The following TENM2 variants were observed in gnomAD, a reference collection of about 807,000 sequenced individuals.
TENM2 encodes teneurin-2.
In TENM2, 52 loss-of-function variants were observed where a neutral mutation model predicts 245.2. The observed-to-expected ratio is 0.21, with a 90% confidence interval of 0.17 to 0.27. The LOEUF is 0.27. Ranked by LOEUF, TENM2 falls within the 10% of genes least tolerant of loss-of-function variation. The pLI, the probability that TENM2 is intolerant of heterozygous loss-of-function variation, is 1.00. For synonymous variants in TENM2, 1,363 were observed against 1,438.9 expected (o/e 0.95, Z 1.19); for missense variants, 3,046 against 3,666.8 (o/e 0.83, Z 4.37).
intron 2 of TENM2, among the ~76,000 whole-genome samples, chr5:167,499,908 G>C (rs1025415339): frequency 2.7e-5 from 4 of 150,306 alleles, no homozygotes; most frequent in Non-Finnish European, 4.4e-5. Flanking sequence ...GTATGTGAGG[G>C]TGTATATGTG....
intron 2 of TENM2, among the ~76,000 whole-genome samples, chr5:167,500,263 A>G (rs1461632075): frequency 6.6e-6 from 1 of 152,012 alleles, no homozygotes; most frequent in African/African-American, 2.4e-5. Flanking sequence ...TCCATCTTGT[A>G]TTTAGTTGAC....
intron 4 of TENM2, among the ~76,000 whole-genome samples, chr5:167,970,909 G>GTGGC (rs1438193978): frequency 1.3e-5 from 2 of 151,862 alleles, no homozygotes; most frequent in Non-Finnish European, 2.9e-5. Flanking sequence ...CGTGTGTGTG[G>GTGGC]TGGCACTGGG....
intron 3 of TENM2, among the ~76,000 whole-genome samples, chr5:167,881,076 G>A (rs965960371): frequency 2.0e-5 from 3 of 152,098 alleles, no homozygotes; most frequent in Admixed American, 1.3e-4. Context: ...TTTGGGATGA[G>A]GAAGAAGTCA....
chr5:167,594,383 A>G (rs765588080), intron 2 of TENM2, among the ~76,000 whole-genome samples: 1 of 152,210 alleles, frequency 6.6e-6, no homozygotes, highest in East Asian at 1.9e-4. Context: ...CTACAAAAAT[A>G]TAATGCTTAG....
intron 1 of TENM2, among the ~76,000 whole-genome samples, chr5:167,358,803 GCACACACACACACACACA>G (rs58530155): frequency 0.025 from 3,558 of 143,932 alleles, 88 homozygotes; most frequent in African/African-American, 0.055. Context: ...ATTCTGATCT[GCACACACACACACACACA>G]CACACACACA....
chr5:168,260,210 C>G, intron 27 of TENM2, 73 bp from the exon 30 acceptor site: 1 of 1,552,656 alleles, frequency 6.4e-7, no homozygotes, highest in Non-Finnish European at 8.8e-7. Flanking sequence ...TTATTTTGTT[C>G]TCTCTTTAAG....
chr5:167,946,182 A>G (rs898450939), intron 3 of TENM2, among the ~76,000 whole-genome samples: 5 of 152,168 alleles, frequency 3.3e-5, no homozygotes, highest in Admixed American at 6.5e-5. Flanking sequence ...AAATAAGGAA[A>G]TCTCTTCAAA....
At chr5:167,834,711 G>A (rs773314682) in intron 2 of TENM2, among the ~76,000 whole-genome samples, 2 of 149,072 alleles carry the variant, frequency 1.3e-5, no homozygotes, top group African/African-American at 2.5e-5. Flanking sequence ...ATGCAGTGGC[G>A]CGATCTCGGC....
chr5:167,044,618 T>C, the TENM2 span, among the ~76,000 whole-genome samples: 6 of 152,064 alleles, frequency 3.9e-5, no homozygotes, highest in African/African-American at 1.4e-4. Flanking sequence ...GACCACTGAG[T>C]GACACCAATA....
intron 2 of TENM2, among the ~76,000 whole-genome samples, chr5:167,418,530 G>GA (rs1763300337): frequency 6.6e-6 from 1 of 152,086 alleles, no homozygotes; most frequent in Admixed American, 6.6e-5. Context: ...TGAAGCTTGA[G>GA]AAAAGCTAAG....
chr5:167,713,656 AC>A (rs1233082636), intron 2 of TENM2, among the ~76,000 whole-genome samples: 1 of 152,208 alleles, frequency 6.6e-6, no homozygotes, highest in African/African-American at 2.4e-5. Flanking sequence ...GCACAGGCAT[AC>A]ATGCATACAT....
intron 2 of TENM2, among the ~76,000 whole-genome samples, chr5:167,776,400 C>T (rs1273144036): frequency 1.3e-5 from 2 of 151,314 alleles, no homozygotes; most frequent in African/African-American, 4.9e-5. Context: ...AGTTCGAGAC[C>T]AGCCTGGGCA....
At chr5:167,534,177 T>C (rs564700738) in intron 2 of TENM2, among the ~76,000 whole-genome samples, 92 of 152,284 alleles carry the variant, frequency 6.0e-4, no homozygotes, top group African/African-American at 2.1e-3. Flanking sequence ...GAGGATTACA[T>C]TGATGTCTCA....
intron 22 of TENM2, among the ~76,000 whole-genome samples, chr5:168,217,261 G>A (rs1400632459): frequency 1.3e-5 from 2 of 152,196 alleles, no homozygotes; most frequent in Admixed American, 6.5e-5. Flanking sequence ...GTACTGTACA[G>A]TGTTATATGT....
the TENM2 span, among the ~76,000 whole-genome samples, chr5:167,217,046 A>C: frequency 5.3e-5 from 8 of 152,164 alleles, no homozygotes; most frequent in Non-Finnish European, 1.2e-4. Context: ...ATTGATATTA[A>C]TTTGGTCATC....
the TENM2 span, among the ~76,000 whole-genome samples, chr5:167,174,065 CAG>C: frequency 6.7e-6 from 1 of 149,934 alleles, no homozygotes; most frequent in African/African-American, 2.4e-5. Flanking sequence ...GAAATAAAGA[CAG>C]AGCTATGGTG....
chr5:167,412,254 G>C (rs895492611), intron 2 of TENM2, among the ~76,000 whole-genome samples: 1 of 152,026 alleles, frequency 6.6e-6, no homozygotes, highest in Non-Finnish European at 1.5e-5. Flanking sequence ...TTTTAGTAAT[G>C]GTTCAGAAAG....
chr5:167,480,480 T>A (rs1767687837), intron 2 of TENM2, among the ~76,000 whole-genome samples: 1 of 152,196 alleles, frequency 6.6e-6, no homozygotes, highest in African/African-American at 2.4e-5. Context: ...GAACATGGGA[T>A]GCTTTGCAAA....
At chr5:167,349,696 A>G (rs1758701561) in intron 1 of TENM2, among the ~76,000 whole-genome samples, 3 of 152,172 alleles carry the variant, frequency 2.0e-5, no homozygotes, top group Admixed American at 2.0e-4. Flanking sequence ...ATGTAAATAT[A>G]TGTATATAGC....
Sources: allele counts gnomAD v4.1 joint callset (sites outside exome capture counted in the v4.1 genomes callset), GRCh38; gene constraint gnomAD v4.1.1; transcripts MANE v1.5; gene names NCBI Gene and HGNC (gene_info 2026-07-23, HGNC 2026-07-21).